TENM3: variants seen among roughly 807,000 people sequenced by gnomAD.
TENM3 encodes teneurin-3.
TENM3 carries 63 observed loss-of-function variants against 255.1 expected under a neutral mutation model. That is an observed-to-expected ratio of 0.25 (90% confidence interval 0.20 to 0.30). The LOEUF is 0.30. TENM3 is among the 10% of genes least tolerant of loss of function. The pLI is 1.00. For synonymous variants in TENM3, 1,306 were observed against 1,322.3 expected (o/e 0.99, Z 0.27); for missense variants, 2,929 against 3,461.1 (o/e 0.85, Z 3.86).
intron 22 of TENM3, among the ~76,000 whole-genome samples, chr4:182,758,932 TG>T (rs1354760165): frequency 1.3e-5 from 2 of 152,238 alleles, no homozygotes; most frequent in Non-Finnish European, 2.9e-5. Flanking sequence ...AATTCCCATT[TG>T]TGTATGGCCA....
At chr4:182,670,831 C>T (rs1755137119) in intron 6 of TENM3, among the ~76,000 whole-genome samples, 1 of 152,152 alleles carries the variant, frequency 6.6e-6, no homozygotes, top group Non-Finnish European at 1.5e-5. Context: ...CCCACCACCA[C>T]ACAAGAATAA....
chr4:181,473,756 A>ATTATGTGTATGTACACATACATACCTAT, the TENM3 span, among the ~76,000 whole-genome samples: 1 of 136,228 alleles, frequency 7.3e-6, no homozygotes, highest in Non-Finnish European at 1.5e-5. Context: ...TAATTATATA[A>ATTATGTGTATGTACACATACATACCTAT]TTATGTGTAT....
At chr4:182,295,261 CTTTTTT>C (rs752005972) in intron 1 of TENM3, among the ~76,000 whole-genome samples, 4 of 70,440 alleles carry the variant, frequency 5.7e-5, no homozygotes, top group South Asian at 4.5e-4. Flanking sequence ...CTTTGCTTTT[CTTTTTT>C]TTTTTTTTTT....
chr4:182,634,781 G>C (rs960443734), intron 5 of TENM3, among the ~76,000 whole-genome samples: 1 of 151,148 alleles, frequency 6.6e-6, no homozygotes, highest in Non-Finnish European at 1.5e-5. Context: ...AAGGAGAAGA[G>C]TCCATGTTCT....
chr4:182,623,542 G>A (rs547938849), intron 4 of TENM3, among the ~76,000 whole-genome samples: 78 of 150,722 alleles, frequency 5.2e-4, no homozygotes, highest in Admixed American at 9.9e-4. Flanking sequence ...TGTGTTGGCC[G>A]GGCTGGTCTC....
At chr4:181,871,541 C>A in the TENM3 span, among the ~76,000 whole-genome samples, 1 of 151,842 alleles carries the variant, frequency 6.6e-6, no homozygotes, top group Non-Finnish European at 1.5e-5. Context: ...AACTTTATGC[C>A]TTTTATGTCT....
At chr4:182,425,669 T>C (rs966766982) in intron 3 of TENM3, among the ~76,000 whole-genome samples, 2 of 152,162 alleles carry the variant, frequency 1.3e-5, no homozygotes, top group African/African-American at 4.8e-5. Flanking sequence ...TTGCCCTCTT[T>C]CGCAGAATGA....
intron 12 of TENM3, among the ~76,000 whole-genome samples, chr4:182,697,572 G>A (rs1446028402): frequency 6.6e-6 from 1 of 152,110 alleles, no homozygotes; most frequent in Admixed American, 6.5e-5. Context: ...CCCTGAGAGA[G>A]TCATGGAAAG....
chr4:182,071,724 A>T, the TENM3 span, among the ~76,000 whole-genome samples: 4,573 of 152,296 alleles, frequency 0.03, 90 homozygotes, highest in Middle Eastern at 0.058. Context: ...TTATGCTATG[A>T]ACATTCGAAT....
chr4:182,038,872 T>C, the TENM3 span, among the ~76,000 whole-genome samples: 1 of 152,066 alleles, frequency 6.6e-6, no homozygotes, highest in Non-Finnish European at 1.5e-5. Flanking sequence ...TAGCTGGGAT[T>C]ATAGGCGCCC....
At position 182,574,184 on chromosome 4, in the gene TENM3, A is replaced by G; in HGVS notation, c.512-26740A>G. On this transcript the variant is annotated intron_variant, in intron 3 of 27. Transcript: ENST00000511685. ...AATTTCGTTTGGTTATGTTATTTGT[A>G]TTCTTTCATATGCCTCTTTTCAATC... 2.0e-5 allele frequency among the ~76,000 whole-genome samples: 3 copies of G among 152,206 alleles called. 1 individual carries two copies.
chr4:181,943,738 G>C, the TENM3 span, among the ~76,000 whole-genome samples: 1 of 152,126 alleles, frequency 6.6e-6, no homozygotes, highest in East Asian at 1.9e-4. Context: ...TATATGCAAA[G>C]GCTTTTGCAT....
the TENM3 span, among the ~76,000 whole-genome samples, chr4:181,916,915 A>C: frequency 6.6e-6 from 1 of 152,058 alleles, no homozygotes; most frequent in Non-Finnish European, 1.5e-5. Context: ...CAGGACTTGG[A>C]ATTTATTGAA....
chr4:182,363,551 T>A (rs1766188442), intron 3 of TENM3, among the ~76,000 whole-genome samples: 1 of 152,182 alleles, frequency 6.6e-6, no homozygotes, highest in African/African-American at 2.4e-5. Flanking sequence ...AAAAAATGCA[T>A]GTTTATAAAC....
intron 3 of TENM3, among the ~76,000 whole-genome samples, chr4:182,384,866 T>C (rs1767804335): frequency 6.6e-6 from 1 of 152,138 alleles, no homozygotes; most frequent in Non-Finnish European, 1.5e-5. Context: ...GGCTACAGTG[T>C]TTAAAACGAG....
chr4:181,932,064 C>A, the TENM3 span, among the ~76,000 whole-genome samples: 1 of 152,124 alleles, frequency 6.6e-6, no homozygotes, highest in Non-Finnish European at 1.5e-5. Context: ...CATCAAAACC[C>A]TAGAAGAAAA....
intron 3 of TENM3, among the ~76,000 whole-genome samples, chr4:182,472,338 A>G (rs957457526): frequency 4.6e-5 from 7 of 152,174 alleles, no homozygotes; most frequent in Admixed American, 6.5e-5. Flanking sequence ...GGCTATTAAT[A>G]TGCTGCTAAA....
At chr4:181,674,396 G>T in the TENM3 span, among the ~76,000 whole-genome samples, 482 of 149,694 alleles carry the variant, frequency 3.2e-3, 1 homozygote, top group African/African-American at 0.011. Flanking sequence ...GTTTATTGGG[G>T]TGTTAGTACA....
At chr4:181,452,315 A>C in the TENM3 span, among the ~76,000 whole-genome samples, 59 of 152,274 alleles carry the variant, frequency 3.9e-4, no homozygotes, top group African/African-American at 1.3e-3. Flanking sequence ...ATTTTTAAAA[A>C]TGTGATATGG....
Sources: gnomAD v4.1 joint callset for allele counts (sites outside exome capture counted in the v4.1 genomes callset) on GRCh38, gnomAD v4.1.1 for gene constraint, MANE v1.5 for transcripts, NCBI Gene and HGNC (gene_info 2026-07-23, HGNC 2026-07-21) for gene names.